The following CRIM1 variants were observed in gnomAD, a reference collection of about 807,000 sequenced individuals.
The protein encoded by CRIM1 is cysteine-rich motor neuron 1 protein.
Under a neutral mutation model 116.4 loss-of-function variants are expected in CRIM1, and 32 were observed. The observed-to-expected ratio is 0.27, with a 90% CI of 0.21 to 0.37. The LOEUF (loss-of-function observed/expected upper bound fraction) is 0.37, where lower values mean the gene tolerates loss of function less well. Among genes scored for constraint, CRIM1 ranks in the 10% least tolerant of loss-of-function variants. CRIM1 has a pLI of 1.00. For synonymous variants in CRIM1, 590 were observed against 509.2 expected (o/e 1.16, Z -2.13); for missense variants, 1,331 against 1,354.8 (o/e 0.98, Z 0.28).
At chr2:36,362,386 T>A (rs549468695) in intron 1 of CRIM1, among the ~76,000 whole-genome samples, 1 of 152,350 alleles carries the variant, frequency 6.6e-6, no homozygotes, top group East Asian at 1.9e-4. Context: ...GAGGTGATCC[T>A]ACCCATTCTC....
chr2:36,416,043 A>C (rs1673593895), intron 2 of CRIM1, among the ~76,000 whole-genome samples: 1 of 152,172 alleles, frequency 6.6e-6, no homozygotes, highest in East Asian at 1.9e-4. Flanking sequence ...CCCTGTCTCT[A>C]CTAAAAATAT....
At chr2:36,508,401 T>G (rs1681579432) in intron 8 of CRIM1, among the ~76,000 whole-genome samples, 1 of 152,224 alleles carries the variant, frequency 6.6e-6, no homozygotes, top group Non-Finnish European at 1.5e-5. Flanking sequence ...AGTTAAGTTT[T>G]AATTTTAGAT....
At chr2:36,453,607 A>G (rs978918206) in intron 4 of CRIM1, among the ~76,000 whole-genome samples, 1 of 152,214 alleles carries the variant, frequency 6.6e-6, no homozygotes, top group Admixed American at 6.5e-5. Context: ...CAGGGAGCAG[A>G]TATTTTGAGC....
At chr2:36,458,599 A>C (rs763653493) in intron 4 of CRIM1, among the ~76,000 whole-genome samples, 1 of 152,174 alleles carries the variant, frequency 6.6e-6, no homozygotes, top group Non-Finnish European at 1.5e-5. Flanking sequence ...CACGAAAAAC[A>C]AAACGTCACC....
intron 8 of CRIM1, among the ~76,000 whole-genome samples, chr2:36,500,603 A>T (rs1212995839): frequency 6.6e-6 from 1 of 152,158 alleles, no homozygotes; most frequent in Non-Finnish European, 1.5e-5. Flanking sequence ...ACTAGTTGGG[A>T]TATTTTTGAA....
intron 1 of CRIM1, among the ~76,000 whole-genome samples, chr2:36,364,069 T>C (rs1240651057): frequency 6.6e-6 from 1 of 152,212 alleles, no homozygotes; most frequent in Admixed American, 6.5e-5. Context: ...TAGTCGTCGG[T>C]ACCTCCTAGG....
chr2:36,456,300 C>A (rs561869154), intron 4 of CRIM1, among the ~76,000 whole-genome samples: 1 of 152,328 alleles, frequency 6.6e-6, no homozygotes, highest in South Asian at 2.1e-4. Context: ...CATGTACACA[C>A]TCGGTAAACA....
At chr2:36,419,978 G>A (rs1673924834) in intron 2 of CRIM1, among the ~76,000 whole-genome samples, 1 of 152,122 alleles carries the variant, frequency 6.6e-6, no homozygotes, top group Non-Finnish European at 1.5e-5. Flanking sequence ...TGACTTTAAA[G>A]TGGCATTCAG....
intron 2 of CRIM1, among the ~76,000 whole-genome samples, chr2:36,437,607 G>C (rs1675418847): frequency 6.6e-6 from 1 of 152,090 alleles, no homozygotes; most frequent in East Asian, 1.9e-4. Flanking sequence ...TGATCATCTT[G>C]AAAAGTTGAA....
intron 13 of CRIM1, among the ~76,000 whole-genome samples, chr2:36,532,812 T>G (rs532591646): frequency 2.0e-5 from 3 of 152,180 alleles, no homozygotes; most frequent in African/African-American, 4.8e-5. Context: ...CCCTGACCCA[T>G]TGGGCAATGG....
chr2:36,506,998 T>G (rs1185450676), intron 8 of CRIM1, among the ~76,000 whole-genome samples: 2 of 152,152 alleles, frequency 1.3e-5, no homozygotes, highest in Admixed American at 6.5e-5. Flanking sequence ...TAGCTGGGAT[T>G]ACATTCACTC....
chr2:36,400,758 A>T (rs1249268655), intron 2 of CRIM1, among the ~76,000 whole-genome samples: 1 of 152,118 alleles, frequency 6.6e-6, no homozygotes, highest in Non-Finnish European at 1.5e-5. Context: ...TTTGTTGATA[A>T]GCTCTAGAAG....
chr2:36,376,551 G>A (rs1013579348), intron 1 of CRIM1, among the ~76,000 whole-genome samples: 8 of 152,180 alleles, frequency 5.3e-5, no homozygotes, highest in African/African-American at 1.9e-4. Flanking sequence ...GGGAGAAGGT[G>A]TAAACATAGT....
intron 1 of CRIM1, among the ~76,000 whole-genome samples, chr2:36,391,124 T>A (rs1671553826): frequency 3.8e-5 from 1 of 26,654 alleles, no homozygotes; most frequent in African/African-American, 2.3e-4. Context: ...TTTGATTTTT[T>A]TTTTTTTTTT....
intron 1 of CRIM1, chr2:36,378,338 CTAACA>C (rs1670474257): frequency 2.1e-6 from 1 of 471,204 alleles, no homozygotes; most frequent in Non-Finnish European, 4.4e-6. Context: ...CAGGCGCCAC[CTAACA>C]TGTTTCTCTC....
At chr2:36,383,339 T>C (rs1670932046) in intron 1 of CRIM1, among the ~76,000 whole-genome samples, 1 of 152,254 alleles carries the variant, frequency 6.6e-6, no homozygotes. Flanking sequence ...AGTTACCTGC[T>C]TCCTAGTCCT....
rs575095531 is a variant in CRIM1 at position 36,393,030 on chromosome 2, C to T, written c.332-3584C>T. Among the ~76,000 whole-genome samples the T allele has an allele frequency of 2.0e-4, 30 of 152,270 alleles. No homozygotes were observed. In the South Asian group the frequency reaches 5.6e-3, roughly 28 times the overall value. On this transcript the variant is annotated intron_variant, in intron 1 of 16. Coordinates refer to ENST00000280527, the MANE Select transcript of CRIM1 (RefSeq NM_016441.3). The stretch of plus-strand genomic sequence containing the variant: ...AACAGCAAGGGGCCAGCGGCCTCAT[C>T]AAAGGCCTTTTAGCTGTGATTCCAG...
Position 36,548,526 on chromosome 2 carries a change from C to A in CRIM1, c.2936C>A (p.Pro979His). Residue 979 changes from proline to histidine, a missense_variant and splice_region_variant, in exon 17 of 17, where the codon CCT becomes CAT. Coordinates refer to ENST00000280527, the MANE Select transcript of CRIM1 (RefSeq NM_016441.3). ...LLCWYRTPTK[P>H]SSLNNQLVSV... ...TTTATTCCTCCTCTCATTAAATAGCCTTCTTCCTTAAATAATCAGCTAGTA... is the reference window on the plus strand; with the variant it reads ...TTTATTCCTCCTCTCATTAAATAGCATTCTTCCTTAAATAATCAGCTAGTA... 1 of 1,560,610 alleles carries A rather than the reference C, an allele frequency of 6.4e-7. No individual in the cohort carries two copies.
Position 36,476,916 on chromosome 2 carries a change from A to C in CRIM1, c.1019A>C (p.Asn340Thr), listed in dbSNP as rs756592810. ...NDTKPACVFN[N>T]VEYYDGDMFR... Reference sequence around the variant, plus strand: ...ACAAAGCCAGCCTGCGTATTTAACAATGTGGAATATTATGATGGAGACATG... The same window carrying C: ...ACAAAGCCAGCCTGCGTATTTAACACTGTGGAATATTATGATGGAGACATG... Residue 340 changes from asparagine (N) to threonine (T), a missense_variant, in exon 6 of 17, where the codon AAT becomes ACT. Asn to Thr is a moderately conservative substitution (Grantham distance 65). Around this residue, in one of 3 missense-constraint regions of CRIM1, gnomAD observed 690 missense variants for 676.0 expected, o/e 1.02. Coordinates refer to ENST00000280527, the MANE Select transcript of CRIM1 (RefSeq NM_016441.3). The C allele has an allele frequency of 1.2e-6, 2 of 1,613,828 alleles. No individual in the cohort carries two copies. Among genetic ancestry groups the C allele is most frequent in the Non-Finnish European group, 1.7e-6 (2 of 1,179,866 alleles).
Sources: allele counts gnomAD v4.1 joint callset (sites outside exome capture counted in the v4.1 genomes callset), GRCh38; gene constraint gnomAD v4.1.1; regional missense constraint gnomAD v4.1.1; transcripts MANE v1.5; gene names NCBI Gene and HGNC (gene_info 2026-07-23, HGNC 2026-07-21).